DNAH8: variants seen among roughly 807,000 people sequenced by gnomAD.
The protein encoded by DNAH8 is dynein axonemal heavy chain 8, also known as axonemal beta dynein heavy chain 8.
A neutral mutation model predicts 562.1 loss-of-function variants in DNAH8; 382 were observed. The ratio of observed to expected loss-of-function variants is 0.68; its 90% confidence interval spans 0.63 to 0.74. DNAH8 has a LOEUF of 0.74. Among genes scored for constraint, DNAH8 ranks in the 30% least tolerant of loss-of-function variants. The probability of loss-of-function intolerance (pLI) is 0.00; values close to 1 mark genes in which losing one functional copy is unlikely to be tolerated. For missense variants in DNAH8, 5,203 were observed against 5,620.4 expected (o/e 0.93, Z 2.37); for synonymous variants, 1,881 against 1,919.4 (o/e 0.98, Z 0.52).
intron 4 of DNAH8, among the ~76,000 whole-genome samples, chr6:38,730,598 G>T (rs1000073506): frequency 6.6e-6 from 1 of 152,108 alleles, no homozygotes; most frequent in Middle Eastern, 3.2e-3. Flanking sequence ...GCCTTCCCTG[G>T]TGTTCCAGAT....
chr6:38,872,884 T>G lies in DNAH8; in HGVS notation c.7238-22T>G, dbSNP rs1464321789. 3.1e-6 allele frequency: 5 copies of G among 1,609,264 alleles called. No homozygotes were observed. In the African/African-American group the frequency reaches 5.4e-5, roughly 17 times the overall value. ...TAATTACTTGCAAGTGAAAAGTGAT[T>G]TTCTGTTTTAATTATTTTCAGGTGA... On this transcript the variant is annotated intron_variant, in intron 50 of 92. Transcript: ENST00000327475.
At chr6:38,831,922 C>T (rs1280864843) in intron 30 of DNAH8, among the ~76,000 whole-genome samples, 2 of 151,746 alleles carry the variant, frequency 1.3e-5, no homozygotes, top group East Asian at 3.9e-4. Flanking sequence ...TTTTTTAATA[C>T]CTAGAGTAAT....
chr6:38,725,879 A>G (rs1263137688), intron 3 of DNAH8, among the ~76,000 whole-genome samples: 1 of 152,200 alleles, frequency 6.6e-6, no homozygotes, highest in East Asian at 1.9e-4. Context: ...CCAAATAGTA[A>G]GAGGATTTTC....
rs768385574 is a variant in DNAH8 at position 38,723,435 on chromosome 6, A to G, written c.489A>G (p.Ile163Met). ...TAGCAGAAAATCTTGGCCTGGACAT[A>G]GTAACTGTTGAAGAATTAATTTTGG... ...EILAENLGLD[I>M]VTVEELILDC... The change falls in exon 3 of 93, where the codon ATA (isoleucine) becomes ATG (methionine). Residue 163 changes from isoleucine (I) to methionine (M), a missense_variant. Transcript: ENST00000327475. The G allele has an allele frequency of 6.2e-7, 1 of 1,610,758 alleles. No individual in the cohort carries two copies. Among genetic ancestry groups the G allele is most frequent in the South Asian group, 1.1e-5 (1 of 90,068 alleles).
At position 38,929,646 on chromosome 6, in the gene DNAH8, A is replaced by G; in HGVS notation, c.11254A>G (p.Lys3752Glu). 6.3e-7 allele frequency: 1 copy of G among 1,580,938 alleles called. No individual in the cohort carries two copies. Residue 3752 changes from lysine to glutamate, a missense_variant, in exon 75 of 93, where the codon AAA (lysine) becomes GAA (glutamate). Physicochemically the swap from Lys to Glu is moderately conservative, Grantham distance 56 (BLOSUM62 1). This residue lies in a region of DNAH8 where 1,399 missense variants were observed against 1,518.4 expected (regional missense o/e 0.92). Transcript: ENST00000327475. ...LDNVLEKNFI[K>E]SGTTFKVKVG... ...TAATGTATTAGAAAAGAATTTTATTAAATCTGGCACCACTTTCAAGGTGAG... is the reference window on the plus strand; with the variant it reads ...TAATGTATTAGAAAAGAATTTTATTGAATCTGGCACCACTTTCAAGGTGAG...
At position 39,008,921 on chromosome 6, in the gene DNAH8, T is replaced by C; in HGVS notation, c.13322T>C (p.Leu4441Ser). The change falls in exon 89 of 93, where the codon TTA becomes TCA. Residue 4441 changes from leucine to serine, a missense_variant. Coordinates refer to ENST00000327475, the MANE Select transcript of DNAH8 (RefSeq NM_001206927.2). ...ACCCGGGAGGCTATTGTTTATAGAT[T>C]ATCTGAAGATATGCTGAGTAAACTC... ...GETREAIVYR[L>S]SEDMLSKLPP... 1 of 1,611,300 alleles carries C rather than the reference T, an allele frequency of 6.2e-7. No individual in the cohort carries two copies. Among genetic ancestry groups the C allele is most frequent in the Non-Finnish European group, 8.5e-7 (1 of 1,177,560 alleles).
At chr6:38,899,723 A>G (rs944125038) in intron 61 of DNAH8, 53 bp from the exon 62 acceptor site, 9 of 1,601,120 alleles carry the variant, frequency 5.6e-6, no homozygotes, top group Non-Finnish European at 7.7e-6. Flanking sequence ...GTGCAAGAAA[A>G]TGTAAACATT....
At chr6:39,008,181 T>A (rs1417765083) in intron 88 of DNAH8, among the ~76,000 whole-genome samples, 1 of 152,044 alleles carries the variant, frequency 6.6e-6, no homozygotes, top group Non-Finnish European at 1.5e-5. Flanking sequence ...CAGAACTATG[T>A]CCTATTCCCT....
chr6:38,904,792 C>CA (rs759782655), intron 62 of DNAH8, among the ~76,000 whole-genome samples: 43,711 of 86,590 alleles, frequency 0.5, 10,580 homozygotes, highest in African/African-American at 0.65. Context: ...AACTCCGTCT[C>CA]AAAAAAAAAA....
intron 4 of DNAH8, among the ~76,000 whole-genome samples, chr6:38,730,462 A>T (rs1453486525): frequency 6.6e-6 from 1 of 152,206 alleles, no homozygotes; most frequent in Non-Finnish European, 1.5e-5. Context: ...CTTTGTTTTA[A>T]TAACTAGATA....
At chr6:38,944,758 A>C (rs1783715783) in intron 79 of DNAH8, among the ~76,000 whole-genome samples, 1 of 152,176 alleles carries the variant, frequency 6.6e-6, no homozygotes, top group African/African-American at 2.4e-5. Flanking sequence ...TATATCCCCC[A>C]GTGTCTGGAA....
At chr6:38,763,552 G>T (rs1445368692) in intron 11 of DNAH8, 2 of 201,508 alleles carry the variant, frequency 9.9e-6, no homozygotes, top group Non-Finnish European at 9.8e-6. Flanking sequence ...AGTGGCTCAT[G>T]TCTGTGATTC....
At position 39,030,540 on chromosome 6, in the gene DNAH8, G is replaced by T; in HGVS notation, c.*148G>T. On this transcript the variant is annotated 3_prime_UTR_variant, in exon 93 of 93. Coordinates refer to ENST00000327475, the MANE Select transcript of DNAH8 (RefSeq NM_001206927.2). ...GTTGATGTTCTAAAATTGCTAGTGC[G>T]TGTGTGTTTTCCTCACATATCAATA... is the stretch of plus-strand genomic sequence containing the variant. The T allele has an allele frequency of 4.7e-6, 3 of 644,584 alleles. No homozygotes were observed. In the South Asian group the frequency reaches 6.4e-5, roughly 14 times the overall value. The allele number at this position is 644,584 out of a possible 1,614,324, so 39.9% of individuals were successfully genotyped here. A position where few individuals can be genotyped will look rare whatever the true frequency, so the allele number is the denominator to read the frequency against.
intron 69 of DNAH8, among the ~76,000 whole-genome samples, 190 bp downstream of exon 69, chr6:38,917,596 A>G (rs1246802183): frequency 6.6e-6 from 1 of 152,224 alleles, no homozygotes; most frequent in Non-Finnish European, 1.5e-5. Flanking sequence ...TTTTTATGAC[A>G]TCTGTCCAGA....
intron 10 of DNAH8, 51 bp downstream of exon 10, chr6:38,756,130 A>G: frequency 8.6e-7 from 1 of 1,161,910 alleles, no homozygotes; most frequent in Non-Finnish European, 1.3e-6. Flanking sequence ...AAAGTTAGCA[A>G]ATCTTTCCTT....
intron 88 of DNAH8, among the ~76,000 whole-genome samples, chr6:38,997,301 C>T (rs1168734944): frequency 6.6e-6 from 1 of 152,124 alleles, no homozygotes; most frequent in Non-Finnish European, 1.5e-5. Flanking sequence ...TTGCTGTTCC[C>T]CCACCGGCCA....
Position 38,911,541 on chromosome 6 carries a change from G to A in DNAH8, c.9814G>A (p.Glu3272Lys). The change falls in exon 66 of 93, where the codon GAA (glutamate) becomes AAA (lysine). Residue 3272 changes from glutamate (E) to lysine (K), a missense_variant. Physicochemically the swap from Glu to Lys is moderately conservative, Grantham distance 56. Coordinates refer to ENST00000327475, the MANE Select transcript of DNAH8 (RefSeq NM_001206927.2). ...AAATGGTTATAAAAACATTTATGCT[G>A]AAAAGGTGAAGTTCATTAATGAACA... ...FINGYKNIYA[E>K]KVKFINEQAE... 6.2e-7 allele frequency: 1 copy of A among 1,613,494 alleles called. No homozygotes were observed. Among genetic ancestry groups the A allele is most frequent in the Non-Finnish European group, 8.5e-7 (1 of 1,179,462 alleles).
chr6:38,914,742 C>A (rs1339533672), intron 67 of DNAH8, among the ~76,000 whole-genome samples: 1 of 152,102 alleles, frequency 6.6e-6, no homozygotes, highest in African/African-American at 2.4e-5. Flanking sequence ...ATACTTCAGT[C>A]TTGATCCTTA....
At chr6:38,864,137 G>T in intron 45 of DNAH8, 77 bp downstream of exon 45, 27 of 1,346,192 alleles carry the variant, frequency 2.0e-5, no homozygotes, top group Non-Finnish European at 2.8e-5. Flanking sequence ...ATGTGTTAAT[G>T]GGTAGATGAC....
Sources: allele counts gnomAD v4.1 joint callset (sites outside exome capture counted in the v4.1 genomes callset), GRCh38; gene constraint gnomAD v4.1.1; regional missense constraint gnomAD v4.1.1; transcripts MANE v1.5; gene names NCBI Gene and HGNC (gene_info 2026-07-23, HGNC 2026-07-21).